The following KAZN variants were observed in gnomAD, a reference collection of about 807,000 sequenced individuals.
KAZN encodes the protein kazrin, periplakin interacting protein, also known as kazrin.
In KAZN, 40 loss-of-function variants were observed where a neutral mutation model predicts 87.4. The ratio of observed to expected loss-of-function variants is 0.46; its 90% CI spans 0.36 to 0.60. The LOEUF is 0.60. Among genes scored for constraint, KAZN ranks in the 20% least tolerant of loss-of-function variants. KAZN has a pLI of 0.00. For missense variants in KAZN, 898 were observed against 1,073.9 expected, an observed-to-expected ratio of 0.84 and a Z score of 2.29; for synonymous variants, 466 against 458.3, an observed-to-expected ratio of 1.02 and a Z score of -0.22.
At chr1:14,217,401 A>G (rs1210132287) in intron 2 of KAZN, among the ~76,000 whole-genome samples, 1 of 151,982 alleles carries the variant, frequency 6.6e-6, no homozygotes, top group Non-Finnish European at 1.5e-5. Context: ...ACAACCCACT[A>G]TTTCTAACAA....
chr1:14,271,951 G>A (rs1466675426), intron 2 of KAZN, among the ~76,000 whole-genome samples: 1 of 152,234 alleles, frequency 6.6e-6, no homozygotes, highest in East Asian at 1.9e-4. Flanking sequence ...CATAGAATAA[G>A]CCTCAGCGTG....
At chr1:15,013,220 T>A (rs976793402) in intron 2 of KAZN, among the ~76,000 whole-genome samples, 5 of 152,246 alleles carry the variant, frequency 3.3e-5, no homozygotes, top group South Asian at 2.1e-4. Flanking sequence ...CCGCAAATAT[T>A]TATTGAGCAC....
chr1:14,176,082 A>G (rs1238572106), intron 1 of KAZN, among the ~76,000 whole-genome samples: 1 of 152,252 alleles, frequency 6.6e-6, no homozygotes, highest in Non-Finnish European at 1.5e-5. Flanking sequence ...AACTCAATTT[A>G]GATCTGGAGC....
intron 2 of KAZN, among the ~76,000 whole-genome samples, chr1:14,442,175 T>C (rs943433756): frequency 6.6e-6 from 1 of 152,248 alleles, no homozygotes; most frequent in Non-Finnish European, 1.5e-5. Flanking sequence ...TCAGAAAAGA[T>C]GATGATTTAG....
chr1:15,004,848 A>C (rs1194548923), intron 2 of KAZN, among the ~76,000 whole-genome samples: 1 of 152,174 alleles, frequency 6.6e-6, no homozygotes, highest in African/African-American at 2.4e-5. Context: ...GGGTATAATA[A>C]TAGTACCCAC....
intron 1 of KAZN, among the ~76,000 whole-genome samples, chr1:14,695,508 A>ATTTTTTTTTTTTTTTTTTTTTT (rs1230082930): frequency 3.0e-5 from 2 of 67,780 alleles, no homozygotes; most frequent in Non-Finnish European, 3.3e-5. Context: ...ACTACATTCC[A>ATTTTTTTTTTTTTTTTTTTTTT]TCTTTTTTTT....
chr1:14,766,008 A>G (rs1298953706), intron 1 of KAZN, among the ~76,000 whole-genome samples: 2 of 152,174 alleles, frequency 1.3e-5, no homozygotes, highest in Admixed American at 6.5e-5. Context: ...ACAAAAGCCA[A>G]CCTTGAGATG....
chr1:14,894,299 C>T (rs1393379228), intron 1 of KAZN, among the ~76,000 whole-genome samples: 2 of 152,180 alleles, frequency 1.3e-5, no homozygotes, highest in Non-Finnish European at 2.9e-5. Flanking sequence ...ATTTGCTGTT[C>T]CTTCTCCTCC....
Position 14,569,320 on chromosome 1 carries a change from C to CTTTTTTTTTTTTTTT in KAZN, c.250-29657_250-29643dup, listed in dbSNP as rs35144232. 2.7e-4 allele frequency among the ~76,000 whole-genome samples: 25 copies of CTTTTTTTTTTTTTTT among 92,320 alleles called. 3 individuals are homozygous for CTTTTTTTTTTTTTTT. The East Asian group carries it at 3.2e-3, about 12-fold the overall frequency. 60.6% of individuals were successfully genotyped at this position (92,320 alleles called of 152,430 possible). Reference sequence around the variant, plus strand: ...TCCTCTACCTCCTCTACTTCCTCTGCTTTTTTTTTTTTTTTTTTTTGAGAC... The same window carrying CTTTTTTTTTTTTTTT: ...TCCTCTACCTCCTCTACTTCCTCTGCTTTTTTTTTTTTTTTTTTTTTTTTTTTTTTTTTTTGAGAC... On this transcript the variant is annotated intron_variant, in intron 2 of 16. Transcript: ENST00000636203.
At chr1:14,577,301 G>C (rs1371315856) in intron 2 of KAZN, among the ~76,000 whole-genome samples, 1 of 152,098 alleles carries the variant, frequency 6.6e-6, no homozygotes, top group Non-Finnish European at 1.5e-5. Flanking sequence ...CTGGTTTCTG[G>C]GGCAGCCACA....
At chr1:14,485,332 T>A (rs960259315) in intron 2 of KAZN, among the ~76,000 whole-genome samples, 23 of 152,226 alleles carry the variant, frequency 1.5e-4, no homozygotes. Flanking sequence ...CCACTTTGAA[T>A]TAATCCAGAT....
intron 1 of KAZN, among the ~76,000 whole-genome samples, chr1:14,088,395 G>T (rs920337489): frequency 1.3e-5 from 2 of 151,754 alleles, no homozygotes; most frequent in Non-Finnish European, 2.9e-5. Context: ...TGACCCATGG[G>T]TTATTTAGAA....
At chr1:14,883,775 C>G (rs1241854120) in intron 1 of KAZN, among the ~76,000 whole-genome samples, 1 of 152,174 alleles carries the variant, frequency 6.6e-6, no homozygotes, top group Admixed American at 6.5e-5. Flanking sequence ...TAACCCTGAA[C>G]TATAATCTGA....
chr1:14,039,361 C>A (rs1641704042), intron 1 of KAZN, among the ~76,000 whole-genome samples: 2 of 152,284 alleles, frequency 1.3e-5, no homozygotes, highest in South Asian at 4.1e-4. Flanking sequence ...AGGACCAAGT[C>A]AACCAATAAA....
rs114169769 is a variant in KAZN, at chr1:14,929,698, A to G, written c.227-30986A>G. On this transcript the variant is annotated intron_variant, in intron 1 of 14. Transcript: ENST00000376030. ...TAAGGGCTGTAAACACTCCAGAGAG[A>G]CAGGCATGGTTATAAGGGGTGTGCG... 2,692 of 873,086 alleles carry G rather than the reference A, an allele frequency of 3.1e-3. 81 individuals carry two copies. In the African/African-American group the frequency reaches 0.046, roughly 15 times the overall value. 54.1% of individuals were successfully genotyped at this position (873,086 alleles called of 1,614,324 possible).
At chr1:14,785,498 A>G (rs1428003858) in intron 1 of KAZN, among the ~76,000 whole-genome samples, 1 of 152,050 alleles carries the variant, frequency 6.6e-6, no homozygotes, top group Non-Finnish European at 1.5e-5. Flanking sequence ...GCTGTAGAAA[A>G]TTGCTACACC....
chr1:14,605,145 C>T (rs561388027), intron 1 of KAZN, among the ~76,000 whole-genome samples: 14 of 152,334 alleles, frequency 9.2e-5, no homozygotes, highest in East Asian at 7.7e-4. Flanking sequence ...TGCCACAAGA[C>T]GCTGGGGATT....
At chr1:14,123,662 C>T (rs1262627672) in intron 1 of KAZN, among the ~76,000 whole-genome samples, 2 of 152,200 alleles carry the variant, frequency 1.3e-5, no homozygotes, top group Non-Finnish European at 2.9e-5. Flanking sequence ...TGGCCGCAAT[C>T]ACCTGCAAAT....
chr1:14,425,077 G>T (rs1448210462), intron 2 of KAZN, among the ~76,000 whole-genome samples: 2 of 152,188 alleles, frequency 1.3e-5, no homozygotes, highest in Admixed American at 6.5e-5. Flanking sequence ...AAGTTGCATT[G>T]TTCAGTGGGA....
Sources: allele counts gnomAD v4.1 joint callset (sites outside exome capture counted in the v4.1 genomes callset), GRCh38; gene constraint gnomAD v4.1.1; transcripts MANE v1.5; gene names NCBI Gene and HGNC (gene_info 2026-07-23, HGNC 2026-07-21).